The following ZNF700 variants were observed in gnomAD, a reference collection of about 807,000 sequenced individuals.
ZNF700 encodes zinc finger protein 700.
Under a neutral mutation model 65.3 loss-of-function variants are expected in ZNF700, and 38 were observed. That is an observed-to-expected ratio of 0.58 (90% CI 0.45 to 0.76). The LOEUF (loss-of-function observed/expected upper bound fraction) is 0.76, where lower values mean the gene tolerates loss of function less well. Ranked by LOEUF, ZNF700 falls within the 30% of genes least tolerant of loss-of-function variation. The pLI is 0.00. For synonymous variants in ZNF700, 285 were observed against 290.4 expected (o/e 0.98, Z 0.19); for missense variants, 857 against 888.4 (o/e 0.96, Z 0.45).
rs140658206 is a variant in ZNF700 at position 11,942,714 on chromosome 19, G to A, written c.64-4467G>A. ...AGAGCAGAACAGAAAGACTTTCACA[G>A]TGCTTTCTCATACAATGTCTGGAAT... On this transcript the variant is annotated intron_variant, in intron 1 of 3. Coordinates refer to ENST00000254321, the MANE Select transcript of ZNF700 (RefSeq NM_144566.3). Among the ~76,000 whole-genome samples the A allele has an allele frequency of 5.7e-3, 869 of 152,332 alleles. 8 individuals carry two copies. The highest frequency in any genetic ancestry group is 0.02 in the South Asian group (95 of 4,828).
chr19:11,934,918 C>T lies in ZNF700; in HGVS notation c.63+9645C>T, dbSNP rs1391443633. ...GTCTTTGGTCGGGTGCGGTGGCTCACGCCTGTAATCCCAGCACTTTGGGAG... is the reference window on the plus strand; with the variant it reads ...GTCTTTGGTCGGGTGCGGTGGCTCATGCCTGTAATCCCAGCACTTTGGGAG... On this transcript the variant is annotated intron_variant, in intron 1 of 3. Coordinates refer to ENST00000254321, the MANE Select transcript of ZNF700 (RefSeq NM_144566.3). 3.4e-5 allele frequency among the ~76,000 whole-genome samples: 5 copies of T among 147,440 alleles called. 1 individual carries two copies. Among genetic ancestry groups the T allele is most frequent in the South Asian group, 4.2e-4 (2 of 4,778 alleles).
chr19:11,942,952 T>C (rs948768677), intron 1 of ZNF700, among the ~76,000 whole-genome samples: 2 of 152,206 alleles, frequency 1.3e-5, no homozygotes, highest in Non-Finnish European at 2.9e-5. Flanking sequence ...GTTCTCACTT[T>C]CATCCTTACT....
intron 1 of ZNF700, chr19:11,926,737 T>C (rs939510556): frequency 6.5e-6 from 1 of 154,322 alleles, no homozygotes; most frequent in African/African-American, 2.4e-5. Flanking sequence ...TAAGCTTTTA[T>C]AAGTTACGTG....
Position 11,942,652 on chromosome 19 carries a change from A to T in ZNF700, c.64-4529A>T, listed in dbSNP as rs118045150. On this transcript the variant is annotated intron_variant, in intron 1 of 3. Coordinates refer to ENST00000254321, the MANE Select transcript of ZNF700 (RefSeq NM_144566.3). ...ATCGTGATCAATTAAACAAGGATGG[A>T]GTGTGTAATTGGGGCTGCATGCATC... is the stretch of plus-strand genomic sequence containing the variant. 5.3e-3 allele frequency among the ~76,000 whole-genome samples: 800 copies of T among 152,286 alleles called. 17 individuals carry two copies. Among genetic ancestry groups the T allele is most frequent in the Admixed American group, 0.029 (441 of 15,286 alleles).
intron 3 of ZNF700, among the ~76,000 whole-genome samples, chr19:11,947,964 GA>G (rs1346276488): frequency 3.3e-5 from 5 of 152,168 alleles, no homozygotes; most frequent in Non-Finnish European, 1.5e-5. Flanking sequence ...AAGCTATGAT[GA>G]TATCACTGTA....
intron 1 of ZNF700, among the ~76,000 whole-genome samples, chr19:11,941,754 G>A (rs1297711981): frequency 6.6e-6 from 1 of 152,242 alleles, no homozygotes. Flanking sequence ...CAGTGCAGCA[G>A]TGGGCTGAAG....
rs547177799 is a variant in ZNF700 at position 11,947,870 on chromosome 19, G to T, written c.251+296G>T. ...CAGCAAAAAATTAGCTGGGCATTGT[G>T]GTGTGTATGCATCGGTAGTCCCAGC... On this transcript the variant is annotated intron_variant, in intron 3 of 3. Transcript: ENST00000254321. Among the ~76,000 whole-genome samples, 19 of 152,160 alleles carry T rather than the reference G, an allele frequency of 1.2e-4. No homozygotes were observed. In the South Asian group the frequency reaches 3.3e-3, roughly 27 times the overall value.
intron 1 of ZNF700, among the ~76,000 whole-genome samples, chr19:11,944,604 G>A (rs766031868): frequency 8.5e-5 from 13 of 152,166 alleles, no homozygotes; most frequent in East Asian, 1.9e-4. Flanking sequence ...TTCTCAGTTC[G>A]CGTTGGATAA....
intron 1 of ZNF700, among the ~76,000 whole-genome samples, chr19:11,942,549 C>A (rs745393921): frequency 6.6e-6 from 1 of 152,124 alleles, no homozygotes; most frequent in Non-Finnish European, 1.5e-5. Context: ...AGCAGACTTG[C>A]GTCTTAAAAA....
intron 1 of ZNF700, among the ~76,000 whole-genome samples, chr19:11,934,595 C>G (rs988193405): frequency 6.8e-6 from 1 of 147,410 alleles, no homozygotes; most frequent in Non-Finnish European, 1.5e-5. Context: ...GGCGCAATCT[C>G]AGCTCACTGC....
chr19:11,931,952 C>T lies in ZNF700; in HGVS notation c.63+6679C>T, dbSNP rs896797886. Among the ~76,000 whole-genome samples, 13 of 147,556 alleles carry T rather than the reference C, an allele frequency of 8.8e-5. 2 individuals carry two copies. Among genetic ancestry groups the T allele is most frequent in the African/African-American group, 3.5e-4 (13 of 37,504 alleles). ...CGAGCATGGAGAAACCCCATCTCTACTAAAAACACAAAATTAGCCAGGCGT... is the reference window on the plus strand; with the variant it reads ...CGAGCATGGAGAAACCCCATCTCTATTAAAAACACAAAATTAGCCAGGCGT... On this transcript the variant is annotated intron_variant, in intron 1 of 3. Transcript: ENST00000254321.
rs279241 is a variant in ZNF700 at position 11,934,947 on chromosome 19, A to G, written c.63+9674A>G. Among the ~76,000 whole-genome samples, 6 of 147,294 alleles carry G rather than the reference A, an allele frequency of 4.1e-5. No homozygotes were observed. In the East Asian group the frequency reaches 6.1e-4, roughly 15 times the overall value. ...TGTAATCCCAGCACTTTGGGAGGCC[A>G]AGGCGGGTGGATCAGGAGGTCAGAT... On this transcript the variant is annotated intron_variant, in intron 1 of 3. Transcript: ENST00000254321.
chr19:11,931,021 G>A (rs1972705697), intron 1 of ZNF700, among the ~76,000 whole-genome samples: 1 of 146,368 alleles, frequency 6.8e-6, no homozygotes, highest in Non-Finnish European at 1.5e-5. Context: ...AAACAACATA[G>A]ATGCCCTCGT....
rs765140770 is a variant in ZNF700 at position 11,947,572 on chromosome 19, C to T, written c.249C>T (p.Phe83=). The T allele has an allele frequency of 6.2e-7, 1 of 1,613,356 alleles. No individual in the cohort carries two copies. The highest frequency in any genetic ancestry group is 8.5e-7 in the Non-Finnish European group (1 of 1,179,812). The change falls in exon 3 of 4, where the codon TTC becomes TTT. Residue 83 remains phenylalanine, a splice_region_variant and synonymous_variant. Transcript: ENST00000254321. ...AGTACCAAAACCCCAGAAGAAGCTT[C>T]AGGTAATTTGCATTTCCAAGAGAAA... The part of the protein sequence containing the change: ...EYEYQNPRRS[F]RSLIEEKVNE...
chr19:11,936,242 A>G (rs897664031), intron 1 of ZNF700, among the ~76,000 whole-genome samples: 1 of 152,206 alleles, frequency 6.6e-6, no homozygotes, highest in Non-Finnish European at 1.5e-5. Context: ...TTCTAGTTCT[A>G]GATCCTTGAG....
At chr19:11,941,032 TCTC>T (rs1261241555) in intron 1 of ZNF700, among the ~76,000 whole-genome samples, 1 of 151,986 alleles carries the variant, frequency 6.6e-6, no homozygotes, top group African/African-American at 2.4e-5. Context: ...ACATAAAGGT[TCTC>T]CAAGGCCTCA....
chr19:11,948,444 T>C lies in ZNF700; in HGVS notation c.420T>C (p.Ser140=). Residue 140 remains serine, a synonymous_variant, in exon 4 of 4, where the codon TCT becomes TCC. Transcript: ENST00000254321. ...VCAEVGIGNS[S]FNMSIRGDTG... is the part of the protein sequence containing the mutation. ...CAGAAGTTGGCATAGGTAACTCATC[T>C]TTTAATATGAGCATCAGAGGTGACA... The C allele has an allele frequency of 6.2e-7, 1 of 1,614,168 alleles. No individual in the cohort carries two copies. The highest frequency in any genetic ancestry group is 8.5e-7 in the Non-Finnish European group (1 of 1,180,014).
intron 1 of ZNF700, among the ~76,000 whole-genome samples, chr19:11,940,590 G>A (rs137924620): frequency 0.04 from 6,112 of 152,156 alleles, 151 homozygotes; most frequent in Middle Eastern, 0.061. Context: ...GCTCATAAAA[G>A]CAGCGTGGAC....
At chr19:11,946,512 C>G (rs1461097197) in intron 1 of ZNF700, among the ~76,000 whole-genome samples, 1 of 152,160 alleles carries the variant, frequency 6.6e-6, no homozygotes, top group Non-Finnish European at 1.5e-5. Flanking sequence ...CCTGTCCTCT[C>G]AACCACTGTG....
Sources: gnomAD v4.1 joint callset for allele counts (sites outside exome capture counted in the v4.1 genomes callset) on GRCh38, gnomAD v4.1.1 for gene constraint, MANE v1.5 for transcripts, NCBI Gene and HGNC (gene_info 2026-07-23, HGNC 2026-07-21) for gene names.